WWOX: variants seen among roughly 807,000 people sequenced by gnomAD.
The protein encoded by WWOX is WW domain-containing oxidoreductase.
WWOX carries 69 observed loss-of-function variants against 46.2 expected under a neutral mutation model. The ratio of observed to expected loss-of-function variants is 1.49; its 90% CI spans 1.23 to 1.82. The LOEUF is 1.82. Among genes scored for constraint, WWOX ranks in the 40% most tolerant of loss-of-function variants. The pLI is 0.00. For synonymous variants in WWOX, 359 were observed against 202.6 expected (o/e 1.77, Z -6.56); for missense variants, 919 against 542.6 (o/e 1.69, Z -6.89).
At chr16:78,830,755 G>C (rs571979919) in intron 8 of WWOX, among the ~76,000 whole-genome samples, 4 of 151,796 alleles carry the variant, frequency 2.6e-5, no homozygotes, top group African/African-American at 9.7e-5. Flanking sequence ...TGTATTGGAG[G>C]GAACATCTGA....
chr16:79,047,655 C>A (rs1301825231), intron 8 of WWOX, among the ~76,000 whole-genome samples: 1 of 140,948 alleles, frequency 7.1e-6, no homozygotes, highest in African/African-American at 2.7e-5. Flanking sequence ...GGGTGACTTT[C>A]TCCTGAGACT....
chr16:78,676,310 C>T (rs1410507211), intron 8 of WWOX, among the ~76,000 whole-genome samples: 1 of 151,960 alleles, frequency 6.6e-6, no homozygotes, highest in Admixed American at 6.6e-5. Flanking sequence ...GGGTCTCAGA[C>T]TTTGTCCCCT....
chr16:78,703,902 G>C (rs1477669835), intron 8 of WWOX, among the ~76,000 whole-genome samples: 1 of 152,038 alleles, frequency 6.6e-6, no homozygotes, highest in Non-Finnish European at 1.5e-5. Context: ...GTGGGAAAGA[G>C]TTTTGGAACT....
intron 5 of WWOX, among the ~76,000 whole-genome samples, chr16:78,209,326 A>G (rs1288315586): frequency 3.3e-5 from 5 of 152,208 alleles, no homozygotes; most frequent in Admixed American, 1.3e-4. Context: ...TGCTCCACTG[A>G]TACTTTATCC....
intron 8 of WWOX, among the ~76,000 whole-genome samples, chr16:78,950,533 TAC>T (rs141591649): frequency 0.19 from 27,596 of 146,920 alleles, 3,084 homozygotes; most frequent in African/African-American, 0.33. Context: ...CACACACACA[TAC>T]ACACACACAC....
intron 8 of WWOX, among the ~76,000 whole-genome samples, chr16:79,141,470 AG>A (rs2050087471): frequency 6.6e-6 from 1 of 152,240 alleles, no homozygotes; most frequent in African/African-American, 2.4e-5. Flanking sequence ...TCAGATTTTC[AG>A]GGTTCACAGA....
intron 8 of WWOX, among the ~76,000 whole-genome samples, chr16:79,028,928 C>A (rs1253160100): frequency 2.0e-5 from 3 of 151,728 alleles, no homozygotes; most frequent in African/African-American, 7.3e-5. Flanking sequence ...TTTATAGCCG[C>A]TGACATTGAA....
rs79848206 is a variant in WWOX, at chr16:78,638,057, G to A, written c.1056+205305G>A. On this transcript the variant is annotated intron_variant, in intron 8 of 8. Coordinates refer to ENST00000566780, the MANE Select transcript of WWOX (RefSeq NM_016373.4). Reference sequence around the variant, plus strand: ...TGCTCACATCATCCACTTCTCTCTGGGTTCTCCGTACCGCTTTCCCCAATC... The same window carrying A: ...TGCTCACATCATCCACTTCTCTCTGAGTTCTCCGTACCGCTTTCCCCAATC... Among the ~76,000 whole-genome samples, 954 of 152,098 alleles carry A rather than the reference G, an allele frequency of 6.3e-3. 12 individuals are homozygous for A. The highest frequency in any genetic ancestry group is 0.021 in the African/African-American group (881 of 41,482).
chr16:78,799,960 G>A (rs564842408), intron 8 of WWOX, among the ~76,000 whole-genome samples: 1 of 152,112 alleles, frequency 6.6e-6, no homozygotes, highest in East Asian at 1.9e-4. Flanking sequence ...AACTTCCCCC[G>A]CGTCTGGCAT....
chr16:79,155,650 T>G (rs2050366989), intron 8 of WWOX, among the ~76,000 whole-genome samples: 1 of 151,868 alleles, frequency 6.6e-6, no homozygotes, highest in Non-Finnish European at 1.5e-5. Context: ...ATGAATTGCT[T>G]GGGGGATTGT....
At chr16:79,049,269 G>T (rs968421626) in intron 8 of WWOX, among the ~76,000 whole-genome samples, 8 of 152,152 alleles carry the variant, frequency 5.3e-5, no homozygotes, top group Non-Finnish European at 1.2e-4. Context: ...ACAAGAGGAG[G>T]GCCAGATTTT....
intron 5 of WWOX, among the ~76,000 whole-genome samples, chr16:78,180,261 A>G (rs972306202): frequency 1.3e-5 from 2 of 152,130 alleles, no homozygotes; most frequent in South Asian, 4.1e-4. Context: ...TGCAGAGTGG[A>G]CTCATAATCC....
At chr16:79,211,540 T>G (rs1442846361) in intron 8 of WWOX, 68 bp from the exon 9 acceptor site, 7 of 1,605,228 alleles carry the variant, frequency 4.4e-6, no homozygotes, top group Non-Finnish European at 5.1e-6. Context: ...GCCCAGGCAG[T>G]CGAAATGACG....
intron 8 of WWOX, among the ~76,000 whole-genome samples, chr16:78,632,922 C>A (rs1194719826): frequency 6.6e-6 from 1 of 151,908 alleles, no homozygotes; most frequent in Non-Finnish European, 1.5e-5. Context: ...AAGGTAGGGC[C>A]ATGTTGGAGA....
intron 8 of WWOX, among the ~76,000 whole-genome samples, chr16:78,821,773 C>T (rs575824581): frequency 2.6e-5 from 4 of 152,164 alleles, no homozygotes; most frequent in Admixed American, 6.5e-5. Context: ...GCAAAGTAAC[C>T]TAGCATAGTG....
At chr16:78,412,863 A>AAG (rs1359730813) in intron 6 of WWOX, among the ~76,000 whole-genome samples, 1 of 152,322 alleles carries the variant, frequency 6.6e-6, no homozygotes, top group South Asian at 2.1e-4. Context: ...CATAAATGGG[A>AAG]AGAGAGAGAC....
intron 8 of WWOX, among the ~76,000 whole-genome samples, chr16:78,607,135 T>G (rs1327899589): frequency 6.6e-6 from 1 of 152,084 alleles, no homozygotes; most frequent in Admixed American, 6.6e-5. Context: ...TTTTATTAAT[T>G]AGTTAAAATA....
In WWOX at chr16:79,030,191, G is replaced by A. The variant is rs111913897; in HGVS notation, c.1057-181417G>A. ...GTTATCATAGCCATTGGTTAAAAAT[G>A]CATGTCTGTTAGGACATTGTAATTA... On this transcript the variant is annotated intron_variant, in intron 8 of 8. Coordinates refer to ENST00000566780, the MANE Select transcript of WWOX (RefSeq NM_016373.4). 3.3e-5 allele frequency among the ~76,000 whole-genome samples: 5 copies of A among 152,288 alleles called. 1 individual carries two copies. Among genetic ancestry groups the A allele is most frequent in the African/African-American group, 1.2e-4 (5 of 41,558 alleles).
chr16:78,681,553 A>AT (rs2047729896), intron 8 of WWOX, among the ~76,000 whole-genome samples: 1 of 151,816 alleles, frequency 6.6e-6, no homozygotes, highest in Non-Finnish European at 1.5e-5. Context: ...ATACAAAAAA[A>AT]AAAAAAGGAA....
Sources: allele counts gnomAD v4.1 joint callset (sites outside exome capture counted in the v4.1 genomes callset), GRCh38; gene constraint gnomAD v4.1.1; transcripts MANE v1.5; gene names NCBI Gene and HGNC (gene_info 2026-07-23, HGNC 2026-07-21).